SNF8: variants seen among roughly 807,000 people sequenced by gnomAD.
The protein encoded by SNF8 is vacuolar-sorting protein SNF8.
In SNF8, 19 loss-of-function variants were observed where a neutral mutation model predicts 36.8. The ratio of observed to expected loss-of-function variants is 0.52; its 90% CI spans 0.36 to 0.76. The LOEUF (loss-of-function observed/expected upper bound fraction) is 0.76, where lower values mean the gene tolerates loss of function less well. SNF8 is among the 30% of genes least tolerant of loss of function. The pLI is 0.00. For synonymous variants in SNF8, 127 were observed against 127.4 expected, an observed-to-expected ratio of 1.00 and a Z score of 0.02; for missense variants, 268 against 322.9, an observed-to-expected ratio of 0.83 and a Z score of 1.30.
At chr17:48,931,184 C>G (rs4793993) in intron 7 of SNF8, among the ~76,000 whole-genome samples, 1 of 152,060 alleles carries the variant, frequency 6.6e-6, no homozygotes, top group Non-Finnish European at 1.5e-5. Flanking sequence ...GGAGTTCTTA[C>G]ATTGCTCCCT....
At chr17:48,933,140 A>C (rs2040883609) in intron 6 of SNF8, 65 bp downstream of exon 6, 1 of 1,579,040 alleles carries the variant, frequency 6.3e-7, no homozygotes, top group East Asian at 2.3e-5. Context: ...CGAGCTGAGA[A>C]CTGCTCCAGA....
rs1196849260 is a variant in SNF8 at position 48,929,755 on chromosome 17, GC to G, written c.*719del. 1.3e-5 allele frequency: 2 copies of G among 152,156 alleles called. No individual in the cohort carries two copies. The highest frequency in any genetic ancestry group is 4.8e-5 in the African/African-American group (2 of 41,432). The allele number at this position is 152,156 out of a possible 1,614,324, so 9.4% of individuals were successfully genotyped here. A position where few individuals can be genotyped will look rare whatever the true frequency, so the allele number is the denominator to read the frequency against. On this transcript the variant is annotated 3_prime_UTR_variant, in exon 8 of 8. Transcript: ENST00000502492. ...TGAATCACCTGTGATGTTGAAGGCT[GC>G]CTACTTGGTGAAATTTAAGTGAGCT... is the stretch of plus-strand genomic sequence containing the variant.
rs1465038121 is a variant in SNF8 at position 48,936,828 on chromosome 17, G to C, written c.349+192C>G. On this transcript the variant is annotated intron_variant, in intron 4 of 7. Coordinates refer to ENST00000502492, the MANE Select transcript of SNF8 (RefSeq NM_007241.4). ...TGGCCAAAGATCTTTGGAGAACAGA[G>C]ACAATCGTTCAGGTAATTCTATTTA... 3.3e-6 allele frequency: 2 copies of C among 613,486 alleles called. 1 individual carries two copies. The highest frequency in any genetic ancestry group is 5.8e-6 in the Non-Finnish European group (2 of 345,008). 38.0% of individuals were successfully genotyped at this position (613,486 alleles called of 1,614,324 possible).
In SNF8 at chr17:48,929,626, T is replaced by C. The variant is rs1218830963; in HGVS notation, c.*849A>G. Reference sequence around the variant, plus strand: ...GTCTACACACAGTATGTGCTGCCATTCTGTACTATGCAGTGATACATGAAG... The same window carrying C: ...GTCTACACACAGTATGTGCTGCCATCCTGTACTATGCAGTGATACATGAAG... On this transcript the variant is annotated 3_prime_UTR_variant, in exon 8 of 8. Coordinates refer to ENST00000502492, the MANE Select transcript of SNF8 (RefSeq NM_007241.4). 2 of 152,180 alleles carry C rather than the reference T, an allele frequency of 1.3e-5. No homozygotes were observed. Among genetic ancestry groups the C allele is most frequent in the East Asian group, 3.9e-4 (2 of 5,184 alleles). The allele number at this position is 152,180 out of a possible 1,614,324, so 9.4% of individuals were successfully genotyped here.
intron 3 of SNF8, among the ~76,000 whole-genome samples, chr17:48,937,587 G>A (rs1024486759): frequency 1.9e-4 from 29 of 149,348 alleles, no homozygotes; most frequent in African/African-American, 6.8e-4. Flanking sequence ...CCAAGATCGC[G>A]CCACCATACT....
chr17:48,931,496 A>G (rs1329783256), intron 7 of SNF8, 147 bp downstream of exon 7: 4 of 649,264 alleles, frequency 6.2e-6, no homozygotes, highest in African/African-American at 3.7e-5. Flanking sequence ...ATCTTCAGAG[A>G]AGTGCTGGGC....
At chr17:48,943,086 G>A (rs941228574) in intron 2 of SNF8, among the ~76,000 whole-genome samples, 7 of 148,212 alleles carry the variant, frequency 4.7e-5, no homozygotes, top group African/African-American at 1.5e-4. Context: ...GGCTGGTCTC[G>A]AACTATGGAC....
intron 3 of SNF8, 50 bp downstream of exon 3, chr17:48,940,874 T>C: frequency 6.3e-7 from 1 of 1,590,240 alleles, no homozygotes; most frequent in Non-Finnish European, 8.6e-7. Context: ...TGAGCTTCTG[T>C]TCCTCAGGTA....
Position 48,937,292 on chromosome 17 carries a change from C to A in SNF8, c.245-168G>T, listed in dbSNP as rs577148913. The stretch of plus-strand genomic sequence containing the variant: ...ACAATCGGACTCACGGTAACTCCTG[C>A]TGAAGAACAGGGTCAGACGGCTCCA... On this transcript the variant is annotated intron_variant, in intron 3 of 7. Coordinates refer to ENST00000502492, the MANE Select transcript of SNF8 (RefSeq NM_007241.4). 37 of 707,240 alleles carry A rather than the reference C, an allele frequency of 5.2e-5. No individual in the cohort carries two copies. In the East Asian group the frequency reaches 1.0e-3, roughly 19 times the overall value. The allele number at this position is 707,240 out of a possible 1,614,324, so 43.8% of individuals were successfully genotyped here.
chr17:48,936,660 T>C (rs1342184375), intron 4 of SNF8: 8 of 334,770 alleles, frequency 2.4e-5, no homozygotes, highest in East Asian at 6.5e-5. Context: ...ACAGACTCAG[T>C]TGGCATTCCC....
intron 6 of SNF8, 29 bp downstream of exon 6, chr17:48,933,176 C>T: frequency 6.2e-7 from 1 of 1,610,002 alleles, no homozygotes; most frequent in Non-Finnish European, 8.5e-7. Flanking sequence ...GTCCCTTGCA[C>T]ACACACACAC....
intron 2 of SNF8, among the ~76,000 whole-genome samples, chr17:48,943,385 C>T (rs974325567): frequency 3.3e-5 from 5 of 152,084 alleles, no homozygotes; most frequent in African/African-American, 1.2e-4. Context: ...CCAAGGTGGG[C>T]GGATCACGAG....
At chr17:48,932,536 C>T (rs1280268633) in intron 6 of SNF8, 2 of 152,082 alleles carry the variant, frequency 1.3e-5, no homozygotes, top group Non-Finnish European at 2.9e-5. Flanking sequence ...CACCTGAGGT[C>T]GGGAGTTCGA....
In SNF8 at chr17:48,943,815, C is replaced by A. The variant is rs2041065209; in HGVS notation, c.105+110G>T. On this transcript the variant is annotated intron_variant, in intron 2 of 7. Coordinates refer to ENST00000502492, the MANE Select transcript of SNF8 (RefSeq NM_007241.4). ...TCAGCGGCTCAGAAATCAAAATTTG[C>A]CAAACACCCTATTTCTAGTTCAATC... is the stretch of plus-strand genomic sequence containing the variant. The A allele has an allele frequency of 3.1e-6, 3 of 953,752 alleles. No individual in the cohort carries two copies. In the Admixed American group the frequency reaches 5.8e-5, roughly 18 times the overall value. The allele number at this position is 953,752 out of a possible 1,614,324, so 59.1% of individuals were successfully genotyped here. A position where few individuals can be genotyped will look rare whatever the true frequency, so the allele number is the denominator to read the frequency against.
chr17:48,936,203 T>G lies in SNF8; in HGVS notation c.389A>C (p.Lys130Thr). The change falls in exon 5 of 8, where the codon AAG becomes ACG. Residue 130 changes from lysine to threonine, a missense_variant. Lys to Thr is a moderately conservative substitution (Grantham distance 78, BLOSUM62 -1). Transcript: ENST00000502492. ...TLEELHQQVL[K>T]GRGKFAQDVS... is the part of the protein sequence containing the mutation. ...ATCCTGGGCGAACTTGCCCCTTCCC[T>G]TCAACACCTGTTGATGTAGTTCCTC... 6.2e-7 allele frequency: 1 copy of G among 1,613,976 alleles called. No homozygotes were observed. Among genetic ancestry groups the G allele is most frequent in the East Asian group, 2.2e-5 (1 of 44,876 alleles).
chr17:48,934,478 C>T, intron 5 of SNF8: 2 of 215,708 alleles, frequency 9.3e-6, no homozygotes, highest in Non-Finnish European at 1.9e-5. Context: ...GTGGCAGGTA[C>T]CTGTAATCCC....
chr17:48,931,803 C>T, intron 6 of SNF8, 86 bp from the exon 7 acceptor site: 1 of 985,356 alleles, frequency 1.0e-6, no homozygotes, highest in Non-Finnish European at 1.5e-6. Flanking sequence ...AAGAGACTTA[C>T]CCAGACAGGA....
At position 48,930,136 on chromosome 17, in the gene SNF8, C is replaced by T. The variant is rs1567782570; in HGVS notation, c.*339G>A. On this transcript the variant is annotated 3_prime_UTR_variant, in exon 8 of 8. Coordinates refer to ENST00000502492, the MANE Select transcript of SNF8 (RefSeq NM_007241.4). ...ATTTTATTTAAAAGGTTTGAATTAG[C>T]ATAGGCTGTAATCTATGTCTCACAG... 1 of 175,200 alleles carries T rather than the reference C, an allele frequency of 5.7e-6. No individual in the cohort carries two copies. Among genetic ancestry groups the T allele is most frequent in the African/African-American group, 2.4e-5 (1 of 42,272 alleles). The allele number at this position is 175,200 out of a possible 1,614,324, so 10.9% of individuals were successfully genotyped here.
intron 3 of SNF8, chr17:48,937,363 C>T (rs1231854995): frequency 1.6e-6 from 1 of 614,004 alleles, no homozygotes; most frequent in African/African-American, 1.8e-5. Context: ...CGCAGTGGCT[C>T]ACGCCTGTAA....
Sources: gnomAD v4.1 joint callset for allele counts (sites outside exome capture counted in the v4.1 genomes callset) on GRCh38, gnomAD v4.1.1 for gene constraint, MANE v1.5 for transcripts, NCBI Gene and HGNC (gene_info 2026-07-23, HGNC 2026-07-21) for gene names.